Variants in CHODL observed in about 807,000 individuals in gnomAD.
CHODL encodes the protein chondrolectin.
Under a neutral mutation model 34.5 loss-of-function variants are expected in CHODL, and 29 were observed. The ratio of observed to expected loss-of-function variants is 0.84; its 90% confidence interval spans 0.63 to 1.15. CHODL has a LOEUF of 1.15. Among genes scored for constraint, CHODL ranks in the 50% most tolerant of loss-of-function variants. CHODL has a pLI of 0.00. For missense variants in CHODL, 332 were observed against 332.5 expected (o/e 1.00, Z 0.01); for synonymous variants, 125 against 116.1 (o/e 1.08, Z -0.49).
intron 2 of CHODL, among the ~76,000 whole-genome samples, chr21:18,068,223 T>C (rs2064754469): frequency 6.6e-6 from 1 of 151,310 alleles, no homozygotes; most frequent in Admixed American, 6.6e-5. Context: ...TGAGATGGAG[T>C]CTTGCTTTTG....
chr21:18,172,912 G>A (rs925427610), intron 2 of CHODL, among the ~76,000 whole-genome samples: 1 of 152,112 alleles, frequency 6.6e-6, no homozygotes, highest in Non-Finnish European at 1.5e-5. Context: ...CTCATCTGGA[G>A]CTGTGGTCCT....
chr21:17,959,285 C>G (rs2063515067), intron 1 of CHODL, among the ~76,000 whole-genome samples: 1 of 152,162 alleles, frequency 6.6e-6, no homozygotes, highest in East Asian at 1.9e-4. Context: ...ATGAATCCAT[C>G]CCTAATGTCT....
chr21:18,029,227 A>G (rs1019436095), intron 2 of CHODL, among the ~76,000 whole-genome samples: 12 of 152,270 alleles, frequency 7.9e-5, no homozygotes, highest in African/African-American at 2.9e-4. Context: ...TAATTCATAA[A>G]TCAGTCAGAC....
At chr21:17,927,181 T>C (rs372979954) in intron 1 of CHODL, among the ~76,000 whole-genome samples, 3 of 148,592 alleles carry the variant, frequency 2.0e-5, no homozygotes, top group South Asian at 4.2e-4. Context: ...TATATGTATA[T>C]ATATGTATAT....
At chr21:18,208,757 G>A (rs916454130) in intron 2 of CHODL, among the ~76,000 whole-genome samples, 1 of 152,052 alleles carries the variant, frequency 6.6e-6, no homozygotes, top group Non-Finnish European at 1.5e-5. Flanking sequence ...AGACTCAGAG[G>A]TACAAATTTG....
At chr21:18,231,046 G>A (rs904712063) in intron 2 of CHODL, among the ~76,000 whole-genome samples, 1 of 151,986 alleles carries the variant, frequency 6.6e-6, no homozygotes, top group African/African-American at 2.4e-5. Flanking sequence ...GACCATGGGC[G>A]GAACACCTTA....
intron 1 of CHODL, among the ~76,000 whole-genome samples, chr21:17,989,388 A>G (rs1466340444): frequency 6.6e-6 from 1 of 152,192 alleles, no homozygotes; most frequent in Non-Finnish European, 1.5e-5. Flanking sequence ...AGTTTTATCT[A>G]ATAGGATATG....
chr21:17,960,758 G>A lies in CHODL; in HGVS notation c.-145+43358G>A, dbSNP rs373165528. The stretch of plus-strand genomic sequence containing the variant: ...CATTCCTACACATCGATGGCTCCCC[G>A]GTCATTCTCTCTTCTCCAGGACTCT... On this transcript the variant is annotated intron_variant, in intron 1 of 6. Coordinates refer to the CHODL transcript ENST00000400127. Among the ~76,000 whole-genome samples, 38 of 152,036 alleles carry A rather than the reference G, an allele frequency of 2.5e-4. 1 individual carries two copies. The highest frequency in any genetic ancestry group is 8.7e-4 in the African/African-American group (36 of 41,468).
At chr21:18,137,068 C>T (rs2146604308) in intron 2 of CHODL, among the ~76,000 whole-genome samples, 1 of 152,194 alleles carries the variant, frequency 6.6e-6, no homozygotes, top group African/African-American at 2.4e-5. Flanking sequence ...TTTGGGCATC[C>T]TGAGTAGCCT....
At chr21:18,091,305 T>G (rs1446468092) in intron 2 of CHODL, among the ~76,000 whole-genome samples, 1 of 152,174 alleles carries the variant, frequency 6.6e-6, no homozygotes. Flanking sequence ...CTGCAATGAC[T>G]AGGCAACTCA....
intron 1 of CHODL, among the ~76,000 whole-genome samples, chr21:17,971,310 C>G (rs1272801958): frequency 1.3e-5 from 2 of 152,216 alleles, no homozygotes; most frequent in Non-Finnish European, 2.9e-5. Context: ...AATCACCACA[C>G]TGTCTTCCAC....
At chr21:17,951,687 A>G (rs1320689077) in intron 1 of CHODL, among the ~76,000 whole-genome samples, 2 of 152,208 alleles carry the variant, frequency 1.3e-5, no homozygotes, top group Non-Finnish European at 2.9e-5. Context: ...GAAAAGTAAA[A>G]TATACTTAAA....
intron 1 of CHODL, among the ~76,000 whole-genome samples, chr21:18,246,870 G>A (rs1245543293): frequency 1.3e-5 from 2 of 152,086 alleles, no homozygotes; most frequent in African/African-American, 4.8e-5. Flanking sequence ...CAAATCTTTT[G>A]TTAGGTTTTC....
intron 1 of CHODL, among the ~76,000 whole-genome samples, chr21:18,255,497 T>C (rs771584153): frequency 3.9e-5 from 6 of 152,124 alleles, no homozygotes; most frequent in Non-Finnish European, 7.4e-5. Context: ...GTCTGCTAAA[T>C]GTTTATTACC....
intron 2 of CHODL, among the ~76,000 whole-genome samples, chr21:18,059,979 C>T (rs375548802): frequency 6.6e-6 from 1 of 152,116 alleles, no homozygotes; most frequent in Non-Finnish European, 1.5e-5. Flanking sequence ...ATTCCACTGA[C>T]CCATTATCTT....
intron 1 of CHODL, among the ~76,000 whole-genome samples, chr21:17,946,990 A>G (rs759684645): frequency 6.6e-6 from 1 of 151,560 alleles, no homozygotes; most frequent in Non-Finnish European, 1.5e-5. Flanking sequence ...TAGTATGTTG[A>G]TTTCTTGCTT....
intron 2 of CHODL, among the ~76,000 whole-genome samples, chr21:18,111,532 T>A (rs2065350865): frequency 6.6e-6 from 1 of 152,302 alleles, no homozygotes; most frequent in Non-Finnish European, 1.5e-5. Context: ...AATTATTGCA[T>A]CAGTTTTCTT....
intron 2 of CHODL, among the ~76,000 whole-genome samples, chr21:18,118,620 A>AT (rs2065441940): frequency 6.6e-6 from 1 of 152,162 alleles, no homozygotes; most frequent in Non-Finnish European, 1.5e-5. Flanking sequence ...TCTTGACACT[A>AT]TGTCTGTATG....
intron 2 of CHODL, among the ~76,000 whole-genome samples, chr21:18,149,434 T>C (rs1436322734): frequency 1.3e-5 from 2 of 152,200 alleles, no homozygotes; most frequent in Non-Finnish European, 2.9e-5. Context: ...ATCTATCAAA[T>C]ATTTACAAGA....
Sources: gnomAD v4.1 joint callset for allele counts (sites outside exome capture counted in the v4.1 genomes callset) on GRCh38, gnomAD v4.1.1 for gene constraint, MANE v1.5 for transcripts, NCBI Gene and HGNC (gene_info 2026-07-23, HGNC 2026-07-21) for gene names.